AAGAB: variants seen among roughly 807,000 people sequenced by gnomAD.
AAGAB encodes alpha- and gamma-adaptin-binding protein p34.
AAGAB carries 38 observed loss-of-function variants against 44.1 expected under a neutral mutation model. The observed-to-expected ratio is 0.86, with a 90% CI of 0.67 to 1.13. The LOEUF is 1.13. Among genes scored for constraint, AAGAB ranks in the 50% most tolerant of loss-of-function variants. AAGAB has a pLI of 0.00. For missense variants in AAGAB, 450 were observed against 373.8 expected, an observed-to-expected ratio of 1.20 and a Z score of -1.68; for synonymous variants, 131 against 131.8, an observed-to-expected ratio of 0.99 and a Z score of 0.04.
At chr15:67,250,659 TG>T (rs991276377) in intron 1 of AAGAB, among the ~76,000 whole-genome samples, 4 of 152,180 alleles carry the variant, frequency 2.6e-5, no homozygotes, top group Non-Finnish European at 5.9e-5. Flanking sequence ...GCTCTGGCCA[TG>T]GAGTAGATAT....
At chr15:67,232,284 C>G (rs957152674) in intron 4 of AAGAB, among the ~76,000 whole-genome samples, 2 of 150,878 alleles carry the variant, frequency 1.3e-5, no homozygotes, top group East Asian at 3.9e-4. Flanking sequence ...ATATATCCTC[C>G]AAGCCATATT....
chr15:67,203,902 A>T (rs967414630), intron 8 of AAGAB, 142 bp downstream of exon 8: 19 of 622,426 alleles, frequency 3.1e-5, no homozygotes, highest in Non-Finnish European at 4.9e-5. Context: ...TTTTTTACCA[A>T]GTCCCAGGAG....
rs758781083 is a variant in AAGAB at position 67,202,903 on chromosome 15, G to A, written c.871-5C>T. Reference sequence around the variant, plus strand: ...CATCCAGAATGCTTTGGCCACCTGTGGAGAGAAGCATGCAACAAATTTTAG... The same window carrying A: ...CATCCAGAATGCTTTGGCCACCTGTAGAGAGAAGCATGCAACAAATTTTAG... On this transcript the variant is annotated splice_polypyrimidine_tract_variant and splice_region_variant and intron_variant, in intron 9 of 9. Coordinates refer to ENST00000261880, the MANE Select transcript of AAGAB (RefSeq NM_024666.5). The A allele has an allele frequency of 6.2e-7, 1 of 1,613,830 alleles. No homozygotes were observed. The highest frequency in any genetic ancestry group is 1.3e-5 in the African/African-American group (1 of 74,902).
intron 5 of AAGAB, among the ~76,000 whole-genome samples, chr15:67,217,163 C>A (rs1405426347): frequency 6.6e-6 from 1 of 152,074 alleles, no homozygotes; most frequent in Non-Finnish European, 1.5e-5. Context: ...TTTGGCTCTA[C>A]AATATTAGGT....
At chr15:67,217,079 T>C (rs1193032703) in intron 5 of AAGAB, among the ~76,000 whole-genome samples, 1 of 150,802 alleles carries the variant, frequency 6.6e-6, no homozygotes, top group Non-Finnish European at 1.5e-5. Flanking sequence ...CACACACAGA[T>C]AGAGATCAAC....
chr15:67,249,627 T>C lies in AAGAB; in HGVS notation c.73+4932A>G, dbSNP rs553657573. ...GAATTAAGACTTTAATCATCCGAAG[T>C]GGCAATGTGAGCATATTTTAAAACC... On this transcript the variant is annotated intron_variant, in intron 1 of 9. Coordinates refer to ENST00000261880, the MANE Select transcript of AAGAB (RefSeq NM_024666.5). 6.5e-4 allele frequency among the ~76,000 whole-genome samples: 99 copies of C among 152,362 alleles called. 1 individual carries two copies. Among genetic ancestry groups the C allele is most frequent in the African/African-American group, 2.2e-3 (93 of 41,586 alleles).
intron 7 of AAGAB, among the ~76,000 whole-genome samples, chr15:67,205,069 G>A (rs568396788): frequency 5.3e-5 from 8 of 152,284 alleles, no homozygotes; most frequent in African/African-American, 1.9e-4. Flanking sequence ...ATTTATCACC[G>A]TTATTTTACA....
At chr15:67,251,236 C>CTGTGTGTGTGTGTGTCTGTGTG (rs1964864640) in intron 1 of AAGAB, among the ~76,000 whole-genome samples, 2 of 147,396 alleles carry the variant, frequency 1.4e-5, no homozygotes, top group Non-Finnish European at 3.0e-5. Context: ...GTGTGTGTGT[C>CTGTGTGTGTGTGTGTCTGTGTG]TGTGTGTGTG....
intron 5 of AAGAB, among the ~76,000 whole-genome samples, chr15:67,220,009 C>T (rs574046436): frequency 6.6e-6 from 1 of 151,484 alleles, no homozygotes; most frequent in South Asian, 2.1e-4. Flanking sequence ...AAATTCAAAC[C>T]GAAGAGAATA....
upstream of AAGAB, chr15:67,255,072 G>T (rs1054264710): frequency 8.5e-6 from 8 of 940,082 alleles, no homozygotes; most frequent in Non-Finnish European, 1.4e-5. Flanking sequence ...TCCAACTCGC[G>T]AGAGGCTCCC....
At chr15:67,224,580 CTTTTCTTTTTT>C (rs2140364066) in intron 5 of AAGAB, among the ~76,000 whole-genome samples, 1 of 149,078 alleles carries the variant, frequency 6.7e-6, no homozygotes, top group African/African-American at 2.5e-5. Flanking sequence ...TTTTCTTTTT[CTTTTCTTTTTT>C]TTTTTTTTTT....
At chr15:67,215,903 A>G (rs183338385) in intron 5 of AAGAB, among the ~76,000 whole-genome samples, 2 of 152,334 alleles carry the variant, frequency 1.3e-5, no homozygotes, top group East Asian at 3.9e-4. Context: ...ATTATTAAAA[A>G]TAGTACTTAT....
chr15:67,251,215 CGTGTGTGTGTGTGTGTGTGTCTGTGT>C (rs1241933989), intron 1 of AAGAB, among the ~76,000 whole-genome samples: 2 of 143,536 alleles, frequency 1.4e-5, no homozygotes, highest in Admixed American at 1.4e-4. Flanking sequence ...ATTTTAAGTG[CGTGTGTGTGTGTGTGTGTGTCTGTGT>C]GTGTGTGTGT....
At chr15:67,217,800 T>C (rs533294298) in intron 5 of AAGAB, among the ~76,000 whole-genome samples, 1 of 152,350 alleles carries the variant, frequency 6.6e-6, no homozygotes, top group South Asian at 2.1e-4. Flanking sequence ...CCTCCCAACA[T>C]GCTGGAATCA....
chr15:67,211,349 C>T (rs1440240790), intron 5 of AAGAB, among the ~76,000 whole-genome samples: 1 of 152,116 alleles, frequency 6.6e-6, no homozygotes, highest in Non-Finnish European at 1.5e-5. Flanking sequence ...ATCTCCTCAT[C>T]CAAAGGCCTA....
intron 9 of AAGAB, 66 bp downstream of exon 9, chr15:67,203,482 T>C (rs1388177350): frequency 2.0e-5 from 27 of 1,343,874 alleles, no homozygotes; most frequent in Non-Finnish European, 2.6e-5. Flanking sequence ...AAGTGTGATA[T>C]ATAATTATAA....
chr15:67,254,766 C>T, upstream of AAGAB: 1 of 1,316,968 alleles, frequency 7.6e-7, no homozygotes, highest in South Asian at 1.3e-5. Context: ...CGCCCCTAGA[C>T]CCCCTTCCGC....
At chr15:67,207,810 G>A (rs1190904642) in intron 7 of AAGAB, among the ~76,000 whole-genome samples, 1 of 151,816 alleles carries the variant, frequency 6.6e-6, no homozygotes, top group Non-Finnish European at 1.5e-5. Context: ...TCAATTGAGA[G>A]GCTAAGGATG....
At chr15:67,208,685 CA>C (rs1963740327) in intron 6 of AAGAB, 27 bp from the exon 7 acceptor site, 1 of 1,594,156 alleles carries the variant, frequency 6.3e-7, no homozygotes, top group Admixed American at 1.7e-5. Flanking sequence ...ACATAAGCAA[CA>C]ATTTAATCGT....
Sources: gnomAD v4.1 joint callset for allele counts (sites outside exome capture counted in the v4.1 genomes callset) on GRCh38, gnomAD v4.1.1 for gene constraint, MANE v1.5 for transcripts, NCBI Gene and HGNC (gene_info 2026-07-23, HGNC 2026-07-21) for gene names.